CFAP221: variants seen among roughly 807,000 people sequenced by gnomAD.
CFAP221 encodes the protein cilia- and flagella-associated protein 221.
CFAP221 carries 97 observed loss-of-function variants against 113.1 expected under a neutral mutation model. That is an observed-to-expected ratio of 0.86 (90% confidence interval 0.73 to 1.02). CFAP221 has a LOEUF of 1.02. Among genes scored for constraint, CFAP221 ranks in the 50% least tolerant of loss-of-function variants. The pLI is 0.00. For synonymous variants in CFAP221, 331 were observed against 354.4 expected (o/e 0.93, Z 0.74); for missense variants, 1,025 against 1,013.4 (o/e 1.01, Z -0.16).
At chr2:119,605,762 T>C (rs1684707152) in intron 11 of CFAP221, among the ~76,000 whole-genome samples, 1 of 152,160 alleles carries the variant, frequency 6.6e-6, no homozygotes, top group African/African-American at 2.4e-5. Flanking sequence ...TAGAAACTTT[T>C]TCACAATTTT....
chr2:119,574,078 A>G (rs2104577716), intron 6 of CFAP221, among the ~76,000 whole-genome samples: 1 of 152,342 alleles, frequency 6.6e-6, no homozygotes, highest in South Asian at 2.1e-4. Context: ...TGAAAAACCT[A>G]AGATGAAGAA....
At chr2:119,603,546 T>C (rs915857551) in intron 8 of CFAP221, among the ~76,000 whole-genome samples, 2 of 152,182 alleles carry the variant, frequency 1.3e-5, no homozygotes, top group Non-Finnish European at 2.9e-5. Flanking sequence ...GTTCAGTGGG[T>C]GGTCAGCAAA....
At chr2:119,593,696 A>G (rs1683751293) in intron 7 of CFAP221, among the ~76,000 whole-genome samples, 1 of 152,140 alleles carries the variant, frequency 6.6e-6, no homozygotes, top group Non-Finnish European at 1.5e-5. Flanking sequence ...AAAATTAGCC[A>G]GGCGTAGTGA....
intron 6 of CFAP221, among the ~76,000 whole-genome samples, chr2:119,564,523 C>A (rs1681485733): frequency 6.6e-6 from 1 of 152,118 alleles, no homozygotes; most frequent in Admixed American, 6.5e-5. Context: ...TTGTAATAAC[C>A]ATTCCCTGGG....
At chr2:119,588,673 CT>C in intron 7 of CFAP221, among the ~76,000 whole-genome samples, 1 of 152,046 alleles carries the variant, frequency 6.6e-6, no homozygotes, top group Non-Finnish European at 1.5e-5. Context: ...ACATGAGATA[CT>C]TTGTCTGATT....
intron 14 of CFAP221, among the ~76,000 whole-genome samples, chr2:119,620,552 G>A (rs1685833882): frequency 6.6e-6 from 1 of 152,174 alleles, no homozygotes; most frequent in South Asian, 2.1e-4. Flanking sequence ...GAGAGATTTT[G>A]TCACCACCAG....
At position 119,596,033 on chromosome 2, in the gene CFAP221, G is replaced by A. The variant is rs1235011208; in HGVS notation, c.632-5185G>A. 3.3e-5 allele frequency among the ~76,000 whole-genome samples: 5 copies of A among 152,116 alleles called. No individual in the cohort carries two copies. The East Asian group carries it at 5.8e-4, about 18-fold the overall frequency. ...AGGCCTATTGGAGAGGCCTGCAGGG[G>A]TTCGAGGAGGGTGGGTATTAGGATT... On this transcript the variant is annotated intron_variant, in intron 7 of 23. Transcript: ENST00000413369.
At chr2:119,545,931 C>G (rs1680019278) in intron 1 of CFAP221, among the ~76,000 whole-genome samples, 154 bp from the exon 2 acceptor site, 1 of 152,028 alleles carries the variant, frequency 6.6e-6, no homozygotes, top group Non-Finnish European at 1.5e-5. Flanking sequence ...AATGGGACAG[C>G]CATGTGTGGG....
intron 23 of CFAP221, among the ~76,000 whole-genome samples, chr2:119,653,688 C>T (rs907395585): frequency 6.6e-6 from 1 of 152,132 alleles, no homozygotes; most frequent in Non-Finnish European, 1.5e-5. Flanking sequence ...TAGATCAATG[C>T]GCATTTTAAG....
intron 6 of CFAP221, among the ~76,000 whole-genome samples, chr2:119,583,844 G>A (rs1683019233): frequency 6.6e-6 from 1 of 152,178 alleles, no homozygotes; most frequent in Admixed American, 6.5e-5. Flanking sequence ...CGAAGACACA[G>A]TGAAAAGATG....
At chr2:119,614,948 G>C (rs1469954659) in intron 13 of CFAP221, among the ~76,000 whole-genome samples, 1 of 152,110 alleles carries the variant, frequency 6.6e-6, no homozygotes, top group Admixed American at 6.6e-5. Flanking sequence ...CCAACCTTTG[G>C]GTGTCCCCGA....
chr2:119,650,613 C>T (rs1215657690), intron 22 of CFAP221, among the ~76,000 whole-genome samples: 3 of 152,184 alleles, frequency 2.0e-5, no homozygotes, highest in African/African-American at 7.2e-5. Context: ...TTATAATAAC[C>T]AACACTCACT....
intron 7 of CFAP221, among the ~76,000 whole-genome samples, chr2:119,595,536 G>A (rs1683901873): frequency 1.3e-5 from 2 of 152,026 alleles, no homozygotes; most frequent in African/African-American, 2.4e-5. Flanking sequence ...GGTTTCTGCC[G>A]GGCTCACCTC....
chr2:119,644,701 T>C (rs1457737062), intron 21 of CFAP221, among the ~76,000 whole-genome samples: 2 of 152,134 alleles, frequency 1.3e-5, no homozygotes, highest in Non-Finnish European at 2.9e-5. Flanking sequence ...CACAAAGATA[T>C]ATGCAACATA....
intron 3 of CFAP221, 36 bp downstream of exon 3, chr2:119,549,221 A>G (rs936931471): frequency 1.4e-6 from 2 of 1,411,882 alleles, no homozygotes; most frequent in East Asian, 2.5e-5. Context: ...TAATCATCAT[A>G]ATGAAGTGAC....
chr2:119,550,342 C>T (rs1680332258), intron 3 of CFAP221, among the ~76,000 whole-genome samples: 1 of 152,150 alleles, frequency 6.6e-6, no homozygotes, highest in Non-Finnish European at 1.5e-5. Context: ...AGGAAATTTC[C>T]GTCAGGAAGA....
intron 3 of CFAP221, among the ~76,000 whole-genome samples, chr2:119,553,714 C>T (rs1013092085): frequency 2.6e-5 from 4 of 152,086 alleles, no homozygotes; most frequent in Admixed American, 6.5e-5. Flanking sequence ...ACTGAGAATT[C>T]GTGGGGAGCA....
At chr2:119,585,705 TTA>T (rs1217107966) in intron 6 of CFAP221, among the ~76,000 whole-genome samples, 1 of 152,180 alleles carries the variant, frequency 6.6e-6, no homozygotes, top group African/African-American at 2.4e-5. Flanking sequence ...CACATGTGAG[TTA>T]TGTCATATCC....
At position 119,610,784 on chromosome 2, in the gene CFAP221, T is replaced by C. The variant is rs150710396; in HGVS notation, c.1222-869T>C. On this transcript the variant is annotated intron_variant, in intron 12 of 23. Transcript: ENST00000413369. ...TCTTTTAAAATTTTTATAAACAGTA[T>C]ACTTAAGAGCCAAGCTGGTTTTTGA... is the stretch of plus-strand genomic sequence containing the variant. Among the ~76,000 whole-genome samples, 204 of 152,238 alleles carry C rather than the reference T, an allele frequency of 1.3e-3. 1 individual carries two copies. The highest frequency in any genetic ancestry group is 2.4e-3 in the Non-Finnish European group (163 of 68,024).
Sources: allele counts gnomAD v4.1 joint callset (sites outside exome capture counted in the v4.1 genomes callset), GRCh38; gene constraint gnomAD v4.1.1; transcripts MANE v1.5; gene names NCBI Gene and HGNC (gene_info 2026-07-23, HGNC 2026-07-21).